The following C7orf78 variants were observed in gnomAD, a reference collection of about 807,000 sequenced individuals.
C7orf78 encodes chromosome 7 open reading frame 78.
the C7orf78 span, among the ~76,000 whole-genome samples, chr7:12,518,449 C>A: frequency 6.6e-6 from 1 of 152,044 alleles, no homozygotes; most frequent in African/African-American, 2.4e-5. Context: ...ATGGCAGTAG[C>A]AGTGGTAAGA....
chr7:12,512,704 T>C, the C7orf78 span, among the ~76,000 whole-genome samples: 3 of 152,310 alleles, frequency 2.0e-5, no homozygotes, highest in Admixed American at 2.0e-4. Flanking sequence ...GCTGATCTTG[T>C]AGAATGAGTT....
At chr7:12,537,278 A>T in the C7orf78 span, among the ~76,000 whole-genome samples, 49 of 152,296 alleles carry the variant, frequency 3.2e-4, no homozygotes, top group African/African-American at 9.4e-4. Flanking sequence ...AAGAGAAGAG[A>T]GCTTTTGCAG....
the C7orf78 span, among the ~76,000 whole-genome samples, chr7:12,520,655 T>C: frequency 6.6e-6 from 1 of 152,232 alleles, no homozygotes; most frequent in South Asian, 2.1e-4. Flanking sequence ...TTATGATCTA[T>C]CCTGGAGACG....
chr7:12,528,869 T>A, the C7orf78 span: 2 of 398,100 alleles, frequency 5.0e-6, no homozygotes, highest in Non-Finnish European at 8.9e-6. Context: ...CACGTGCCAT[T>A]GCTAAGCCTC....
the C7orf78 span, among the ~76,000 whole-genome samples, chr7:12,532,228 G>A: frequency 3.8e-3 from 580 of 152,176 alleles, no homozygotes; most frequent in Middle Eastern, 0.017. Flanking sequence ...TCTTTTTTAG[G>A]AAATGATTTG....
At chr7:12,528,395 G>C in the C7orf78 span, among the ~76,000 whole-genome samples, 1 of 150,010 alleles carries the variant, frequency 6.7e-6, no homozygotes, top group East Asian at 2.0e-4. Context: ...CACTCACTTT[G>C]GTAGAAAATG....
the C7orf78 span, among the ~76,000 whole-genome samples, chr7:12,523,743 G>A: frequency 6.6e-6 from 1 of 152,092 alleles, no homozygotes; most frequent in Admixed American, 6.6e-5. Context: ...ACAGACATCA[G>A]TTGCCAGGAG....
the C7orf78 span, chr7:12,486,944 T>C: frequency 5.0e-5 from 3 of 60,404 alleles, no homozygotes; most frequent in African/African-American, 2.9e-4. Context: ...ATTTAATTTA[T>C]ACACCTCCTT....
the C7orf78 span, among the ~76,000 whole-genome samples, chr7:12,516,021 A>C: frequency 6.6e-6 from 1 of 152,244 alleles, no homozygotes; most frequent in African/African-American, 2.4e-5. Flanking sequence ...AGAAATTTAC[A>C]TAAGTAACAA....
the C7orf78 span, among the ~76,000 whole-genome samples, chr7:12,531,578 T>G: frequency 1.3e-5 from 2 of 152,198 alleles, no homozygotes; most frequent in Non-Finnish European, 2.9e-5. Flanking sequence ...CATATCTTCT[T>G]GATTCAATTA....
At chr7:12,484,771 C>A in the C7orf78 span, among the ~76,000 whole-genome samples, 14,477 of 151,984 alleles carry the variant, frequency 0.095, 849 homozygotes, top group Non-Finnish European at 0.13. Flanking sequence ...ATTCTAAATA[C>A]TTTTTTCTGA....
chr7:12,520,488 G>C, the C7orf78 span, among the ~76,000 whole-genome samples: 2 of 151,966 alleles, frequency 1.3e-5, no homozygotes, highest in Non-Finnish European at 2.9e-5. Context: ...TGCCTCATTT[G>C]TTATTCAAGA....
At chr7:12,504,375 T>A in the C7orf78 span, 5 of 152,200 alleles carry the variant, frequency 3.3e-5, no homozygotes, top group Non-Finnish European at 4.4e-5. Flanking sequence ...TTGAGTCTGG[T>A]AGAAAATTAA....
the C7orf78 span, chr7:12,496,318 T>G: frequency 6.6e-6 from 1 of 152,228 alleles, no homozygotes; most frequent in African/African-American, 2.4e-5. Context: ...TTTTGGATGG[T>G]TCTACATATA....
the C7orf78 span, among the ~76,000 whole-genome samples, chr7:12,532,270 C>A: frequency 6.6e-6 from 1 of 152,152 alleles, no homozygotes; most frequent in Non-Finnish European, 1.5e-5. Flanking sequence ...AAAAACCTGG[C>A]CGGGCATGGT....
the C7orf78 span, among the ~76,000 whole-genome samples, chr7:12,536,799 T>G: frequency 6.6e-6 from 1 of 152,246 alleles, no homozygotes; most frequent in East Asian, 1.9e-4. Flanking sequence ...TCCACAAGTC[T>G]CTAGGCCGGG....
chr7:12,516,324 T>A, the C7orf78 span, among the ~76,000 whole-genome samples: 1 of 152,166 alleles, frequency 6.6e-6, no homozygotes, highest in Admixed American at 6.5e-5. Flanking sequence ...TGCACAGAAG[T>A]CAAGAACTGG....
chr7:12,533,880 C>T, the C7orf78 span, among the ~76,000 whole-genome samples: 1 of 152,184 alleles, frequency 6.6e-6, no homozygotes, highest in African/African-American at 2.4e-5. Flanking sequence ...CTGCCTGTAA[C>T]ACTATGAATT....
the C7orf78 span, among the ~76,000 whole-genome samples, chr7:12,530,788 A>T: frequency 6.6e-6 from 1 of 152,240 alleles, no homozygotes; most frequent in Non-Finnish European, 1.5e-5. Flanking sequence ...AGACTCTTGT[A>T]GAAAAAAATG....
Sources: gnomAD v4.1 joint callset for allele counts (sites outside exome capture counted in the v4.1 genomes callset) on GRCh38, gnomAD v4.1.1 for gene constraint, MANE v1.5 for transcripts, NCBI Gene and HGNC (gene_info 2026-07-23, HGNC 2026-07-21) for gene names.